The following CHRM5 variants were observed in gnomAD, a reference collection of about 807,000 sequenced individuals.
CHRM5 encodes the protein cholinergic receptor muscarinic 5.
CHRM5 carries 18 observed loss-of-function variants against 39.0 expected under a neutral mutation model. The ratio of observed to expected loss-of-function variants is 0.46; its 90% CI spans 0.32 to 0.68. CHRM5 has a LOEUF of 0.68. Ranked by LOEUF, CHRM5 falls within the 30% of genes least tolerant of loss-of-function variation. The pLI, the probability that CHRM5 is intolerant of heterozygous loss-of-function variation, is 0.04. For missense variants in CHRM5, 515 were observed against 651.1 expected (o/e 0.79, Z 2.28); for synonymous variants, 241 against 246.3 (o/e 0.98, Z 0.20).
intron 1 of CHRM5, among the ~76,000 whole-genome samples, chr15:34,002,446 CCT>C (rs1449539288): frequency 2.0e-5 from 3 of 152,224 alleles, no homozygotes; most frequent in East Asian, 3.9e-4. Context: ...TCCATTCTTC[CCT>C]GTTACTGCTC....
In CHRM5 at chr15:34,046,719, A is replaced by C. The variant is rs1014233024; in HGVS notation, c.-228A>C. On this transcript the variant is annotated 5_prime_UTR_variant, in exon 2 of 3. Transcript: ENST00000383263. ...AGGAATGAAAGGTGTGAGTGAATAC[A>C]GCGCCTTCAACTGAAATATCCAGGT... 1 of 152,276 alleles carries C rather than the reference A, an allele frequency of 6.6e-6. No homozygotes were observed. Among genetic ancestry groups the C allele is most frequent in the African/African-American group, 2.4e-5 (1 of 41,470 alleles). The allele number at this position is 152,276 out of a possible 1,614,324, so 9.4% of individuals were successfully genotyped here. A position where few individuals can be genotyped will look rare whatever the true frequency, so the allele number is the denominator to read the frequency against.
rs60551319 is a variant in CHRM5 at position 33,984,648 on chromosome 15, C to A, written c.-408+15498C>A. On this transcript the variant is annotated intron_variant, in intron 1 of 2. Transcript: ENST00000383263. The stretch of plus-strand genomic sequence containing the variant: ...AACTCCTGACCTCAGGTGATCCACC[C>A]GTCTTGGCCTCCCAAAGTGCTCGGA... Among the ~76,000 whole-genome samples, 23 of 152,250 alleles carry A rather than the reference C, an allele frequency of 1.5e-4. No homozygotes were observed. In the East Asian group the frequency reaches 3.9e-3, roughly 26 times the overall value.
At chr15:34,062,616 A>C (rs1900379004) in intron 2 of CHRM5, 27 bp from the exon 3 acceptor site, 8 of 1,029,906 alleles carry the variant, frequency 7.8e-6, no homozygotes, top group Non-Finnish European at 1.1e-5. Flanking sequence ...CTGGTGTGCG[A>C]AGCTAATGTG....
intron 1 of CHRM5, among the ~76,000 whole-genome samples, chr15:34,004,653 G>C (rs1209745084): frequency 1.3e-5 from 2 of 152,126 alleles, no homozygotes; most frequent in Admixed American, 6.5e-5. Flanking sequence ...TGGATGAAAA[G>C]ATAGGACATG....
chr15:34,034,048 G>A (rs1470355015), intron 1 of CHRM5, among the ~76,000 whole-genome samples: 1 of 152,132 alleles, frequency 6.6e-6, no homozygotes, highest in Non-Finnish European at 1.5e-5. Flanking sequence ...GCCTCCCAAA[G>A]TGCTGGGATT....
At chr15:34,024,491 A>AG (rs1034642237) in intron 1 of CHRM5, among the ~76,000 whole-genome samples, 1 of 148,430 alleles carries the variant, frequency 6.7e-6, no homozygotes, top group African/African-American at 2.5e-5. Context: ...AAAAAAAAAA[A>AG]AAGAAGCACT....
chr15:34,034,137 C>A (rs2140774226), intron 1 of CHRM5, among the ~76,000 whole-genome samples: 1 of 152,244 alleles, frequency 6.6e-6, no homozygotes, highest in East Asian at 1.9e-4. Context: ...TATCAAATCA[C>A]TCTAGTATTT....
chr15:33,976,717 T>A (rs928179930), intron 1 of CHRM5, among the ~76,000 whole-genome samples: 20 of 152,092 alleles, frequency 1.3e-4, no homozygotes, highest in East Asian at 9.7e-4. Context: ...AAAAAAAAAA[T>A]TTAACATAAA....
At chr15:34,044,277 A>G (rs1899600781) in intron 1 of CHRM5, among the ~76,000 whole-genome samples, 1 of 152,124 alleles carries the variant, frequency 6.6e-6, no homozygotes, top group African/African-American at 2.4e-5. Flanking sequence ...CACCAAAACA[A>G]CTTAGCAAGT....
chr15:33,983,170 G>GTGTATATA (rs796742277), intron 1 of CHRM5, among the ~76,000 whole-genome samples: 3 of 126,486 alleles, frequency 2.4e-5, no homozygotes, highest in South Asian at 2.6e-4. Flanking sequence ...ATGTGTGTGT[G>GTGTATATA]TATATATACA....
intron 2 of CHRM5, among the ~76,000 whole-genome samples, chr15:34,047,373 G>T (rs565272719): frequency 6.6e-6 from 1 of 152,060 alleles, no homozygotes; most frequent in African/African-American, 2.4e-5. Flanking sequence ...CACCGTGCCC[G>T]GCGGAGACCT....
chr15:33,978,620 G>A (rs913060765), intron 1 of CHRM5, among the ~76,000 whole-genome samples: 2 of 151,934 alleles, frequency 1.3e-5, no homozygotes, highest in Admixed American at 6.6e-5. Flanking sequence ...CCAAGATTAC[G>A]CCACTGCATG....
chr15:34,042,949 G>A (rs1330276483), intron 1 of CHRM5, among the ~76,000 whole-genome samples: 1 of 151,978 alleles, frequency 6.6e-6, no homozygotes, highest in East Asian at 1.9e-4. Flanking sequence ...GTAATTCCTA[G>A]TCTAAGACTA....
At position 34,066,250 on chromosome 15, in the gene CHRM5, A is replaced by T. The variant is rs1346910699; in HGVS notation, c.*1934A>T. 1 of 152,248 alleles carries T rather than the reference A, an allele frequency of 6.6e-6. No homozygotes were observed. The highest frequency in any genetic ancestry group is 2.4e-5 in the African/African-American group (1 of 41,458). The allele number at this position is 152,248 out of a possible 1,614,324, so 9.4% of individuals were successfully genotyped here. On this transcript the variant is annotated 3_prime_UTR_variant, in exon 3 of 3. Transcript: ENST00000383263. Reference sequence around the variant, plus strand: ...CGTGATGCCAACTGGGTGTGACTTCATGAGCAAACCTGCTCTACCAGCGCC... The same window carrying T: ...CGTGATGCCAACTGGGTGTGACTTCTTGAGCAAACCTGCTCTACCAGCGCC...
At chr15:34,040,747 T>TGA (rs1899438533) in intron 1 of CHRM5, among the ~76,000 whole-genome samples, 1 of 151,888 alleles carries the variant, frequency 6.6e-6, no homozygotes, top group Non-Finnish European at 1.5e-5. Flanking sequence ...GGCAACATGG[T>TGA]GAAACCCCAT....
intron 1 of CHRM5, among the ~76,000 whole-genome samples, chr15:34,037,104 C>T (rs1356746379): frequency 5.4e-5 from 7 of 129,058 alleles, no homozygotes; most frequent in South Asian, 5.0e-4. Context: ...AGTAAAACTC[C>T]GTCTCAAAAA....
intron 2 of CHRM5, among the ~76,000 whole-genome samples, chr15:34,054,280 A>G (rs955445416): frequency 4.6e-5 from 7 of 152,226 alleles, no homozygotes; most frequent in Admixed American, 2.0e-4. Flanking sequence ...CAATTCCTCA[A>G]AGTCCTAGAG....
In CHRM5 at chr15:34,039,458, CAA is replaced by C. The variant is rs199792519; in HGVS notation, c.-407-7080_-407-7079del. ...GTATTTGCATAAGAAAAGGTCTAAA[CAA>C]ATACATACTAAAATGTTAGTGGTTA... On this transcript the variant is annotated intron_variant, in intron 1 of 2. Coordinates refer to ENST00000383263, the MANE Select transcript of CHRM5 (RefSeq NM_012125.4). Among the ~76,000 whole-genome samples, 567 of 152,168 alleles carry C rather than the reference CAA, an allele frequency of 3.7e-3. 6 individuals carry two copies. The highest frequency in any genetic ancestry group is 0.013 in the African/African-American group (533 of 41,514).
intron 2 of CHRM5, among the ~76,000 whole-genome samples, chr15:34,059,470 A>G (rs1900264803): frequency 6.6e-6 from 1 of 152,166 alleles, no homozygotes; most frequent in Non-Finnish European, 1.5e-5. Context: ...GACTACCTTC[A>G]GAGTAGATGG....
Sources: allele counts gnomAD v4.1 joint callset (sites outside exome capture counted in the v4.1 genomes callset), GRCh38; gene constraint gnomAD v4.1.1; transcripts MANE v1.5; gene names NCBI Gene and HGNC (gene_info 2026-07-23, HGNC 2026-07-21).